The following NAALADL2 variants were observed in gnomAD, a reference collection of about 807,000 sequenced individuals.
The protein encoded by NAALADL2 is N-acetylated alpha-linked acidic dipeptidase like 2.
Under a neutral mutation model 87.2 loss-of-function variants are expected in NAALADL2, and 76 were observed. That is an observed-to-expected ratio of 0.87 (90% CI 0.72 to 1.05). The LOEUF is 1.05. Among genes scored for constraint, NAALADL2 ranks in the 50% least tolerant of loss-of-function variants. The pLI, the probability that NAALADL2 is intolerant of heterozygous loss-of-function variation, is 0.00. For missense variants in NAALADL2, 1,089 were observed against 945.8 expected, an observed-to-expected ratio of 1.15 and a Z score of -1.99; for synonymous variants, 354 against 331.0, an observed-to-expected ratio of 1.07 and a Z score of -0.75.
chr3:175,343,330 T>C (rs1217256534), intron 5 of NAALADL2, among the ~76,000 whole-genome samples: 1 of 152,034 alleles, frequency 6.6e-6, no homozygotes, highest in African/African-American at 2.4e-5. Context: ...AAAAATGAAG[T>C]TGGATGATTT....
chr3:174,606,077 T>C (rs1167010232), intron 2 of NAALADL2, among the ~76,000 whole-genome samples: 6 of 152,194 alleles, frequency 3.9e-5, no homozygotes, highest in South Asian at 4.1e-4. Flanking sequence ...AGTGGACCTC[T>C]AGCAAACTCC....
chr3:175,762,554 C>T (rs1233461982), intron 13 of NAALADL2, among the ~76,000 whole-genome samples: 2 of 152,074 alleles, frequency 1.3e-5, no homozygotes, highest in African/African-American at 2.4e-5. Flanking sequence ...TGATAATGTT[C>T]TCATTTCCAA....
At chr3:174,463,926 G>T (rs780683190) in intron 1 of NAALADL2, among the ~76,000 whole-genome samples, 1 of 151,788 alleles carries the variant, frequency 6.6e-6, no homozygotes, top group African/African-American at 2.4e-5. Context: ...TTTTTCTTTT[G>T]TATTCAGATT....
intron 13 of NAALADL2, among the ~76,000 whole-genome samples, chr3:175,783,294 G>A (rs900672011): frequency 6.6e-6 from 1 of 152,008 alleles, no homozygotes. Flanking sequence ...AATTACCTTG[G>A]GCAGTATGGC....
At chr3:175,206,512 A>G (rs1740943599) in intron 2 of NAALADL2, among the ~76,000 whole-genome samples, 2 of 151,700 alleles carry the variant, frequency 1.3e-5, no homozygotes, top group Non-Finnish European at 2.9e-5. Context: ...GAGCTAAGCC[A>G]TGAGGACACA....
intron 2 of NAALADL2, among the ~76,000 whole-genome samples, chr3:175,132,073 GGCCA>G: frequency 7.2e-6 from 1 of 139,034 alleles, no homozygotes; most frequent in African/African-American, 2.8e-5. Flanking sequence ...AGGGGCGGCT[GGCCA>G]GGCGGGGGGC....
intron 2 of NAALADL2, among the ~76,000 whole-genome samples, chr3:174,672,767 A>G (rs1448293385): frequency 6.6e-6 from 1 of 152,024 alleles, no homozygotes; most frequent in African/African-American, 2.4e-5. Flanking sequence ...AGCAAATGCA[A>G]GATTCCTAAA....
At chr3:175,475,024 T>TAAACACAC (rs1725481284) in intron 9 of NAALADL2, among the ~76,000 whole-genome samples, 124 of 149,718 alleles carry the variant, frequency 8.3e-4, no homozygotes, top group Non-Finnish European at 1.4e-3. Flanking sequence ...AACATTTAAG[T>TAAACACAC]ACACACACAC....
At chr3:174,985,918 C>T (rs895241903) in intron 1 of NAALADL2, among the ~76,000 whole-genome samples, 5 of 151,890 alleles carry the variant, frequency 3.3e-5, no homozygotes, top group African/African-American at 9.7e-5. Context: ...CGCCATTGCA[C>T]TCCAGCCTGG....
chr3:175,228,165 G>A (rs923389310), intron 2 of NAALADL2, among the ~76,000 whole-genome samples: 1 of 151,870 alleles, frequency 6.6e-6, no homozygotes, highest in African/African-American at 2.4e-5. Context: ...AACAACCAGA[G>A]TGTAGGAGAT....
chr3:174,517,342 C>T (rs1280765065), intron 1 of NAALADL2, among the ~76,000 whole-genome samples: 4 of 151,984 alleles, frequency 2.6e-5, no homozygotes, highest in African/African-American at 9.7e-5. Context: ...GCTTTCAGAA[C>T]AATTATCTTA....
intron 1 of NAALADL2, among the ~76,000 whole-genome samples, chr3:174,926,413 C>A (rs1217491712): frequency 6.6e-6 from 1 of 151,944 alleles, no homozygotes; most frequent in South Asian, 2.1e-4. Flanking sequence ...ATCAGATTCA[C>A]CAAAGTTGAA....
At chr3:174,579,993 A>C (rs1715976287) in intron 2 of NAALADL2, among the ~76,000 whole-genome samples, 1 of 151,976 alleles carries the variant, frequency 6.6e-6, no homozygotes, top group African/African-American at 2.4e-5. Context: ...AGAAATTGCT[A>C]TTTTTTTAAG....
chr3:175,576,056 T>A lies in NAALADL2; in HGVS notation c.1669T>A (p.Cys557Ser). ...QLVVEKNNFN[C>S]TRRAQCPETN... ...TGTTTTTCAGAAAAATAATTTCAACTGTACCAGAAGAGCCCAGTGCCCAGA... is the reference window on the plus strand; with the variant it reads ...TGTTTTTCAGAAAAATAATTTCAACAGTACCAGAAGAGCCCAGTGCCCAGA... Residue 557 changes from cysteine to serine, a missense_variant, in exon 10 of 14, where the codon TGT becomes AGT. Physicochemically the swap from Cys to Ser is moderately radical, Grantham distance 112. Coordinates refer to ENST00000454872, the MANE Select transcript of NAALADL2 (RefSeq NM_207015.3). 1 of 1,609,124 alleles carries A rather than the reference T, an allele frequency of 6.2e-7. No individual in the cohort carries two copies. Among genetic ancestry groups the A allele is most frequent in the Admixed American group, 1.7e-5 (1 of 58,668 alleles).
chr3:175,408,069 A>G (rs1292709649), intron 5 of NAALADL2, among the ~76,000 whole-genome samples: 1 of 152,152 alleles, frequency 6.6e-6, no homozygotes, highest in Admixed American at 6.5e-5. Flanking sequence ...GGAATCTTAA[A>G]AAGTCGATCT....
intron 2 of NAALADL2, among the ~76,000 whole-genome samples, chr3:174,595,732 TG>T (rs1717828662): frequency 6.6e-6 from 1 of 152,092 alleles, no homozygotes; most frequent in Non-Finnish European, 1.5e-5. Context: ...AAAAACAGGC[TG>T]GGTGCGGTGG....
chr3:175,780,317 A>G (rs1352557364), intron 13 of NAALADL2, among the ~76,000 whole-genome samples: 2 of 151,982 alleles, frequency 1.3e-5, no homozygotes, highest in Non-Finnish European at 2.9e-5. Flanking sequence ...CTCATAGTCT[A>G]GTATGGGACT....
chr3:175,391,033 A>T (rs2862014), intron 5 of NAALADL2, among the ~76,000 whole-genome samples: 102,655 of 151,924 alleles, frequency 0.68, 35,170 homozygotes, highest in East Asian at 0.82. Context: ...ATGAACCTTT[A>T]TGGAGCATCT....
At chr3:175,166,275 GACAAA>G (rs902501654) in intron 2 of NAALADL2, among the ~76,000 whole-genome samples, 38 of 151,794 alleles carry the variant, frequency 2.5e-4, no homozygotes, top group African/African-American at 9.0e-4. Flanking sequence ...AACAAAAATT[GACAAA>G]TCTGCTTTTA....
Sources: gnomAD v4.1 joint callset for allele counts (sites outside exome capture counted in the v4.1 genomes callset) on GRCh38, gnomAD v4.1.1 for gene constraint, MANE v1.5 for transcripts, NCBI Gene and HGNC (gene_info 2026-07-23, HGNC 2026-07-21) for gene names.